Variants in SYNDIG1 observed in about 807,000 individuals in gnomAD.
SYNDIG1 encodes synapse differentiation inducing 1.
Under a neutral mutation model 19.4 loss-of-function variants are expected in SYNDIG1, and 9 were observed. The ratio of observed to expected loss-of-function variants is 0.46; its 90% CI spans 0.28 to 0.81. The LOEUF (loss-of-function observed/expected upper bound fraction) is 0.81. SYNDIG1 is among the 30% of genes least tolerant of loss of function. The pLI is 0.12. For missense variants in SYNDIG1, 311 were observed against 343.3 expected (o/e 0.91, Z 0.74); for synonymous variants, 141 against 145.9 (o/e 0.97, Z 0.24).
At chr20:24,640,626 T>C (rs2059367319) in intron 3 of SYNDIG1, among the ~76,000 whole-genome samples, 1 of 152,164 alleles carries the variant, frequency 6.6e-6, no homozygotes, top group Admixed American at 6.5e-5. Context: ...TGTTTTACTA[T>C]GTAATTGTTT....
intron 1 of SYNDIG1, among the ~76,000 whole-genome samples, chr20:24,531,041 C>T (rs2057248342): frequency 6.6e-6 from 1 of 152,062 alleles, no homozygotes; most frequent in African/African-American, 2.4e-5. Context: ...AACTCCTGAG[C>T]TCAGGCAGTC....
intron 3 of SYNDIG1, among the ~76,000 whole-genome samples, chr20:24,655,305 C>A (rs931773381): frequency 1.1e-4 from 16 of 152,116 alleles, no homozygotes; most frequent in Non-Finnish European, 2.1e-4. Context: ...AGGCATAAAC[C>A]AGTGCACTTG....
intron 1 of SYNDIG1, among the ~76,000 whole-genome samples, chr20:24,477,843 A>G (rs2055679560): frequency 6.6e-6 from 1 of 152,178 alleles, no homozygotes; most frequent in Non-Finnish European, 1.5e-5. Flanking sequence ...AAAGCCCAGC[A>G]TTGGCCAAAG....
intron 1 of SYNDIG1, among the ~76,000 whole-genome samples, chr20:24,484,336 C>T (rs1326135563): frequency 2.0e-5 from 3 of 152,136 alleles, no homozygotes; most frequent in South Asian, 2.1e-4. Flanking sequence ...GGGTGCTGCA[C>T]GTGGTCTCCC....
intron 3 of SYNDIG1, among the ~76,000 whole-genome samples, chr20:24,647,365 G>A (rs1354360453): frequency 1.3e-5 from 2 of 152,130 alleles, no homozygotes; most frequent in South Asian, 4.1e-4. Context: ...GCAGAATCGG[G>A]GGAATCTGCT....
At chr20:24,505,550 ATT>A (rs1236433998) in intron 1 of SYNDIG1, among the ~76,000 whole-genome samples, 1 of 152,198 alleles carries the variant, frequency 6.6e-6, no homozygotes, top group African/African-American at 2.4e-5. Context: ...GCACTGCAAC[ATT>A]TTTAATAAAA....
intron 3 of SYNDIG1, among the ~76,000 whole-genome samples, chr20:24,604,195 C>T (rs543571900): frequency 2.6e-5 from 4 of 151,988 alleles, no homozygotes; most frequent in African/African-American, 4.8e-5. Context: ...TCCACACACT[C>T]GATGGTTTTG....
At chr20:24,496,204 A>G (rs1457879221) in intron 1 of SYNDIG1, among the ~76,000 whole-genome samples, 4 of 152,104 alleles carry the variant, frequency 2.6e-5, no homozygotes, top group African/African-American at 4.8e-5. Flanking sequence ...AAGAGAGGGA[A>G]CCCATCCTTC....
intron 2 of SYNDIG1, among the ~76,000 whole-genome samples, chr20:24,554,797 A>G (rs1029268357): frequency 2.0e-5 from 3 of 151,226 alleles, no homozygotes; most frequent in Non-Finnish European, 2.9e-5. Context: ...CGGCTTTGGT[A>G]TCAGGATGAT....
intron 1 of SYNDIG1, among the ~76,000 whole-genome samples, chr20:24,476,389 C>T (rs762844305): frequency 2.0e-5 from 3 of 151,992 alleles, no homozygotes; most frequent in Admixed American, 6.6e-5. Context: ...GGATATTGGC[C>T]GGGCGCGGTG....
At chr20:24,478,038 G>A (rs2055685089) in intron 1 of SYNDIG1, among the ~76,000 whole-genome samples, 2 of 152,226 alleles carry the variant, frequency 1.3e-5, no homozygotes, top group African/African-American at 4.8e-5. Flanking sequence ...GTAGAACCAG[G>A]TAAGCCTGGT....
intron 3 of SYNDIG1, among the ~76,000 whole-genome samples, chr20:24,608,850 T>C (rs989394197): frequency 1.3e-5 from 2 of 152,180 alleles, no homozygotes; most frequent in Non-Finnish European, 2.9e-5. Flanking sequence ...CCTTGCATTC[T>C]AGAATTAAAG....
At chr20:24,637,731 A>G (rs1053202358) in intron 3 of SYNDIG1, among the ~76,000 whole-genome samples, 1 of 152,246 alleles carries the variant, frequency 6.6e-6, no homozygotes, top group Admixed American at 6.5e-5. Context: ...GTCCAGCAGT[A>G]AAAGGTGTAC....
intron 2 of SYNDIG1, among the ~76,000 whole-genome samples, chr20:24,581,173 C>T (rs138401753): frequency 7.4e-4 from 113 of 152,276 alleles, no homozygotes; most frequent in African/African-American, 2.6e-3. Flanking sequence ...GGGTGCGCAG[C>T]TGGCATCGGG....
At chr20:24,551,068 C>T (rs1446787174) in intron 2 of SYNDIG1, among the ~76,000 whole-genome samples, 1 of 152,128 alleles carries the variant, frequency 6.6e-6, no homozygotes, top group Non-Finnish European at 1.5e-5. Flanking sequence ...CTGAAAGACT[C>T]TGTTTAGTAT....
At chr20:24,662,046 T>A (rs1258912627) in intron 3 of SYNDIG1, among the ~76,000 whole-genome samples, 2 of 151,996 alleles carry the variant, frequency 1.3e-5, no homozygotes, top group South Asian at 4.2e-4. Flanking sequence ...GATCAACAGC[T>A]CTCGGTCCTT....
intron 1 of SYNDIG1, among the ~76,000 whole-genome samples, chr20:24,480,769 A>T (rs562375594): frequency 6.6e-5 from 10 of 152,386 alleles, no homozygotes; most frequent in African/African-American, 2.4e-4. Context: ...TGTGCTAAAC[A>T]CATACAGTGA....
chr20:24,617,148 C>T (rs1419900050), intron 3 of SYNDIG1, among the ~76,000 whole-genome samples: 1 of 152,126 alleles, frequency 6.6e-6, no homozygotes, highest in Non-Finnish European at 1.5e-5. Flanking sequence ...AAGAGGTGGC[C>T]GCCTGGGTGC....
intron 3 of SYNDIG1, among the ~76,000 whole-genome samples, chr20:24,652,133 C>T (rs1038247738): frequency 2.0e-5 from 3 of 152,214 alleles, no homozygotes; most frequent in Non-Finnish European, 4.4e-5. Flanking sequence ...CACTGCTCCC[C>T]ACAGAGGGGT....
Sources: gnomAD v4.1 joint callset for allele counts (sites outside exome capture counted in the v4.1 genomes callset) on GRCh38, gnomAD v4.1.1 for gene constraint, MANE v1.5 for transcripts, NCBI Gene and HGNC (gene_info 2026-07-23, HGNC 2026-07-21) for gene names.